Variants in C12orf42 observed in about 807,000 individuals in gnomAD.
C12orf42 encodes the protein chromosome 12 open reading frame 42, also known as uncharacterized protein C12orf42.
Under a neutral mutation model 21.6 loss-of-function variants are expected in C12orf42, and 25 were observed. The observed-to-expected ratio is 1.16, with a 90% CI of 0.84 to 1.62. C12orf42 has a LOEUF of 1.62. C12orf42 is among the 40% of genes most tolerant of loss of function. The pLI, the probability that C12orf42 is intolerant of heterozygous loss-of-function variation, is 0.00. For missense variants in C12orf42, 483 were observed against 459.3 expected, an observed-to-expected ratio of 1.05 and a Z score of -0.47; for synonymous variants, 174 against 175.0, an observed-to-expected ratio of 0.99 and a Z score of 0.05.
At chr12:103,316,161 A>T (rs890743296) in intron 4 of C12orf42, among the ~76,000 whole-genome samples, 44 of 151,230 alleles carry the variant, frequency 2.9e-4, no homozygotes, top group African/African-American at 1.0e-3. Context: ...ATATATACTG[A>T]TACCAATATA....
chr12:103,173,682 C>T, the C12orf42 span, among the ~76,000 whole-genome samples: 1 of 152,010 alleles, frequency 6.6e-6, no homozygotes, highest in East Asian at 1.9e-4. Flanking sequence ...TGCACCCTTC[C>T]CTCTTAAAAG....
At chr12:103,367,499 A>G (rs1286648212) in intron 4 of C12orf42, among the ~76,000 whole-genome samples, 1 of 151,860 alleles carries the variant, frequency 6.6e-6, no homozygotes, top group Non-Finnish European at 1.5e-5. Context: ...ATGAGAAAGC[A>G]CTCAATGCAC....
chr12:103,066,052 TA>T, the C12orf42 span, among the ~76,000 whole-genome samples: 1 of 152,158 alleles, frequency 6.6e-6, no homozygotes, highest in Non-Finnish European at 1.5e-5. Flanking sequence ...CAGGCCCCCC[TA>T]GGTGAATCAC....
the C12orf42 span, among the ~76,000 whole-genome samples, chr12:103,058,915 A>G: frequency 2.2e-4 from 33 of 152,184 alleles, no homozygotes; most frequent in Admixed American, 2.2e-3. Context: ...ATCACAATTA[A>G]AAGAACTAGA....
intron 3 of C12orf42, among the ~76,000 whole-genome samples, chr12:103,387,980 C>G (rs1405485912): frequency 6.6e-6 from 1 of 152,196 alleles, no homozygotes; most frequent in East Asian, 1.9e-4. Flanking sequence ...TATCTTAACA[C>G]TGCAAGGTAA....
At chr12:103,411,066 C>T (rs897051651) in intron 2 of C12orf42, among the ~76,000 whole-genome samples, 5 of 152,166 alleles carry the variant, frequency 3.3e-5, no homozygotes, top group Admixed American at 2.0e-4. Context: ...TAATTTCCTT[C>T]AAGGCATGTG....
At chr12:103,217,715 G>A in the C12orf42 span, among the ~76,000 whole-genome samples, 3 of 152,074 alleles carry the variant, frequency 2.0e-5, no homozygotes, top group Non-Finnish European at 2.9e-5. Context: ...GAAGCTTAGT[G>A]TGCAGTGAAA....
chr12:103,442,535 C>T (rs1214092215), intron 2 of C12orf42, among the ~76,000 whole-genome samples: 2 of 152,116 alleles, frequency 1.3e-5, no homozygotes, highest in Non-Finnish European at 2.9e-5. Context: ...TTGCACCTTC[C>T]TGCTGCAATC....
At chr12:103,439,407 G>T (rs1030062072) in intron 2 of C12orf42, among the ~76,000 whole-genome samples, 5 of 146,368 alleles carry the variant, frequency 3.4e-5, no homozygotes, top group Non-Finnish European at 6.0e-5. Context: ...ATTGACAAAT[G>T]GGATCTAATT....
At chr12:103,269,689 T>C (rs1169467550) in intron 6 of C12orf42, 1 of 152,074 alleles carries the variant, frequency 6.6e-6, no homozygotes, top group Non-Finnish European at 1.5e-5. Flanking sequence ...GATATAAAGA[T>C]AAGATAGAAG....
chr12:103,502,777 T>TGGGG, the C12orf42 span, among the ~76,000 whole-genome samples: 7 of 152,216 alleles, frequency 4.6e-5, no homozygotes, highest in Non-Finnish European at 1.0e-4. Flanking sequence ...TTTATTAAGC[T>TGGGG]ACCTCTGGGG....
the C12orf42 span, among the ~76,000 whole-genome samples, chr12:103,107,109 T>C: frequency 2.0e-5 from 3 of 152,038 alleles, no homozygotes; most frequent in Non-Finnish European, 4.4e-5. Context: ...GACTCTACTA[T>C]GTAAAGCAGC....
At chr12:103,105,645 T>G in the C12orf42 span, among the ~76,000 whole-genome samples, 3 of 151,306 alleles carry the variant, frequency 2.0e-5, no homozygotes, top group African/African-American at 7.4e-5. Context: ...ATATCTAAAA[T>G]AAAAGTTGAA....
chr12:103,083,768 T>C, the C12orf42 span, among the ~76,000 whole-genome samples: 1 of 152,172 alleles, frequency 6.6e-6, no homozygotes, highest in Non-Finnish European at 1.5e-5. Context: ...TGTACTGAAA[T>C]AGAATATAAA....
chr12:103,163,888 T>G, the C12orf42 span, among the ~76,000 whole-genome samples: 1 of 152,186 alleles, frequency 6.6e-6, no homozygotes, highest in South Asian at 2.1e-4. Flanking sequence ...AAGCACTTGT[T>G]ACAGTGCTTC....
chr12:103,253,155 G>A (rs940027407), intron 10 of C12orf42, among the ~76,000 whole-genome samples: 35 of 151,908 alleles, frequency 2.3e-4, no homozygotes, highest in Admixed American at 1.6e-3. Flanking sequence ...GTTCTGTTCC[G>A]TTGGTCTATA....
At chr12:103,083,606 C>T in the C12orf42 span, among the ~76,000 whole-genome samples, 1 of 152,146 alleles carries the variant, frequency 6.6e-6, no homozygotes, top group Non-Finnish European at 1.5e-5. Context: ...CAATGATGGA[C>T]TTTAAAGCAT....
chr12:103,111,309 T>C, the C12orf42 span, among the ~76,000 whole-genome samples: 1 of 152,242 alleles, frequency 6.6e-6, no homozygotes, highest in Non-Finnish European at 1.5e-5. Context: ...GTAATTTTCA[T>C]GTTTTGAAGT....
chr12:103,207,314 G>T, the C12orf42 span, among the ~76,000 whole-genome samples: 1 of 152,226 alleles, frequency 6.6e-6, no homozygotes, highest in Non-Finnish European at 1.5e-5. Context: ...GACTGATACA[G>T]AGCCCTAACA....
Sources: allele counts gnomAD v4.1 joint callset (sites outside exome capture counted in the v4.1 genomes callset), GRCh38; gene constraint gnomAD v4.1.1; transcripts MANE v1.5; gene names NCBI Gene and HGNC (gene_info 2026-07-23, HGNC 2026-07-21).